The following PIWIL1 variants were observed in gnomAD, a reference collection of about 807,000 sequenced individuals.
PIWIL1 encodes the protein piwi like RNA-mediated gene silencing 1, also known as piwi-like protein 1.
Under a neutral mutation model 114.4 loss-of-function variants are expected in PIWIL1, and 73 were observed. That is an observed-to-expected ratio of 0.64 (90% CI 0.53 to 0.78). The LOEUF (loss-of-function observed/expected upper bound fraction) is 0.78. PIWIL1 is among the 30% of genes least tolerant of loss of function. PIWIL1 has a pLI of 0.00. For synonymous variants in PIWIL1, 375 were observed against 369.0 expected (o/e 1.02, Z -0.19); for missense variants, 723 against 1,063.1 (o/e 0.68, Z 4.45).
chr12:130,360,731 T>C (rs1230886484), intron 14 of PIWIL1, among the ~76,000 whole-genome samples: 3 of 152,200 alleles, frequency 2.0e-5, no homozygotes, highest in Admixed American at 1.3e-4. Flanking sequence ...GTCCCCAGAA[T>C]TGTCCATGGA....
chr12:130,409,331 GCT>G, the PIWIL1 span, among the ~76,000 whole-genome samples: 6 of 109,354 alleles, frequency 5.5e-5, no homozygotes, highest in Non-Finnish European at 7.6e-5. Context: ...ACAAAATGTA[GCT>G]TTTTTTTTTT....
At chr12:130,407,186 AC>A in the PIWIL1 span, among the ~76,000 whole-genome samples, 17 of 152,338 alleles carry the variant, frequency 1.1e-4, no homozygotes, top group African/African-American at 3.8e-4. Flanking sequence ...GTACTGTGTA[AC>A]ATGGGTTCAC....
Position 130,363,158 on chromosome 12 carries a change from T to C in PIWIL1, c.2195+14T>C. ...TAGAGGTTACAAGTAAGCATGCAAA[T>C]TGTAAAGCATTTTCTTTTTATAAAA... On this transcript the variant is annotated intron_variant, in intron 18 of 20. Coordinates refer to ENST00000245255, the MANE Select transcript of PIWIL1 (RefSeq NM_004764.5). 6.2e-7 allele frequency: 1 copy of C among 1,610,648 alleles called. No homozygotes were observed. The highest frequency in any genetic ancestry group is 1.3e-5 in the African/African-American group (1 of 74,992).
At chr12:130,415,863 T>C in the PIWIL1 span, among the ~76,000 whole-genome samples, 1 of 152,196 alleles carries the variant, frequency 6.6e-6, no homozygotes, top group Non-Finnish European at 1.5e-5. Context: ...AATTTCAGGA[T>C]ACAAAATCAA....
At chr12:130,410,517 T>A in the PIWIL1 span, among the ~76,000 whole-genome samples, 2 of 152,248 alleles carry the variant, frequency 1.3e-5, no homozygotes, top group Admixed American at 1.3e-4. Context: ...GAAACTATGA[T>A]CCATTTTTAT....
intron 8 of PIWIL1, 43 bp downstream of exon 8, chr12:130,349,479 A>C: frequency 7.5e-7 from 1 of 1,338,330 alleles, no homozygotes; most frequent in Non-Finnish European, 1.1e-6. Context: ...TTTGTGAGTC[A>C]AAGTATTGTG....
the PIWIL1 span, chr12:130,424,586 G>A: frequency 1.6e-6 from 2 of 1,231,964 alleles, no homozygotes; most frequent in Non-Finnish European, 2.0e-6. This position sits in a 1 kb window ranked among gnomAD's most constrained non-coding sequence, Gnocchi z 9.8. Context: ...CCTCCACGTG[G>A]GGGACGGCCC....
the PIWIL1 span, among the ~76,000 whole-genome samples, chr12:130,379,377 C>T: frequency 6.6e-6 from 1 of 151,950 alleles, no homozygotes; most frequent in South Asian, 2.1e-4. Flanking sequence ...TTGACAGTTC[C>T]TTCAACTCCC....
intron 18 of PIWIL1, among the ~76,000 whole-genome samples, chr12:130,365,350 C>T (rs188390466): frequency 9.9e-5 from 15 of 152,254 alleles, no homozygotes; most frequent in Admixed American, 2.0e-4. Context: ...TGAGGCATTG[C>T]AAGGCGTAAA....
the PIWIL1 span, among the ~76,000 whole-genome samples, chr12:130,389,868 C>T: frequency 2.0e-5 from 3 of 152,226 alleles, no homozygotes; most frequent in Non-Finnish European, 4.4e-5. Context: ...TTCCCTGCAT[C>T]CTGCAAGCTT....
chr12:130,357,390 A>C (rs939105954), intron 13 of PIWIL1, 91 bp from the exon 14 acceptor site: 1 of 935,714 alleles, frequency 1.1e-6, no homozygotes, highest in Non-Finnish European at 1.7e-6. Flanking sequence ...TTTTATACGG[A>C]AACGTTTCCT....
At chr12:130,406,740 G>A in the PIWIL1 span, among the ~76,000 whole-genome samples, 4 of 152,152 alleles carry the variant, frequency 2.6e-5, no homozygotes, top group Middle Eastern at 3.2e-3. Flanking sequence ...TCTGCCTCTC[G>A]GGTTCAAGCA....
chr12:130,400,011 T>C, the PIWIL1 span, among the ~76,000 whole-genome samples: 22 of 152,300 alleles, frequency 1.4e-4, no homozygotes, highest in Non-Finnish European at 2.9e-4. Context: ...GCCCCTTTCC[T>C]GGGGTCTTGA....
At chr12:130,422,275 A>T in the PIWIL1 span, among the ~76,000 whole-genome samples, 9 of 152,356 alleles carry the variant, frequency 5.9e-5, no homozygotes, top group South Asian at 1.5e-3. This position sits in a 1 kb window ranked among gnomAD's most constrained non-coding sequence, Gnocchi z 5.2. Context: ...TATTTCAAGA[A>T]TACTTACAAA....
downstream of PIWIL1, among the ~76,000 whole-genome samples, chr12:130,373,641 C>T (rs1011734343): frequency 5.3e-5 from 8 of 152,106 alleles, no homozygotes; most frequent in East Asian, 3.9e-4. Context: ...ACCTAGGAAT[C>T]GGGACTCTCA....
At chr12:130,357,638 C>A (rs1435466641) in intron 14 of PIWIL1, 85 bp downstream of exon 14, 3 of 838,784 alleles carry the variant, frequency 3.6e-6, no homozygotes, top group East Asian at 4.9e-5. Context: ...ACTTGGAGTT[C>A]TTTTTTCAAA....
chr12:130,357,146 C>A, intron 13 of PIWIL1, 41 bp downstream of exon 13: 12 of 1,514,230 alleles, frequency 7.9e-6, no homozygotes, highest in African/African-American at 1.4e-5. Context: ...AATTGCTTGG[C>A]AGTCATTTGG....
chr12:130,343,452 T>G (rs1304173989), intron 3 of PIWIL1, among the ~76,000 whole-genome samples: 2 of 152,164 alleles, frequency 1.3e-5, no homozygotes, highest in Non-Finnish European at 2.9e-5. Flanking sequence ...TGTTTTGTCA[T>G]CTCTCACTGC....
At chr12:130,425,987 C>T in the PIWIL1 span, 3 of 152,354 alleles carry the variant, frequency 2.0e-5, no homozygotes, top group Non-Finnish European at 4.4e-5. Context: ...AGCTCTCTCC[C>T]TTCACTTTGC....
Sources: gnomAD v4.1 joint callset for allele counts (sites outside exome capture counted in the v4.1 genomes callset) on GRCh38, gnomAD v4.1.1 for gene constraint, Gnocchi (gnomAD v3.1) non-coding constraint, MANE v1.5 for transcripts, NCBI Gene and HGNC (gene_info 2026-07-23, HGNC 2026-07-21) for gene names.